The following PDIA3 variants were observed in gnomAD, a reference collection of about 807,000 sequenced individuals.
PDIA3 encodes protein disulfide-isomerase A3.
PDIA3 carries 16 observed loss-of-function variants against 56.9 expected under a neutral mutation model. The observed-to-expected ratio is 0.28, with a 90% CI of 0.19 to 0.43. The LOEUF is 0.43. Ranked by LOEUF, PDIA3 falls within the 20% of genes least tolerant of loss-of-function variation. PDIA3 has a pLI of 1.00. For synonymous variants in PDIA3, 192 were observed against 216.5 expected, an observed-to-expected ratio of 0.89 and a Z score of 0.99; for missense variants, 485 against 621.3, an observed-to-expected ratio of 0.78 and a Z score of 2.33.
intron 10 of PDIA3, 128 bp from the exon 11 acceptor site, chr15:43,770,122 A>G: frequency 2.8e-6 from 2 of 720,536 alleles, no homozygotes. Flanking sequence ...GGTGCGCACC[A>G]CCACACCCGG....
At position 43,773,154 on chromosome 15, in the gene PDIA3, G is replaced by C. The variant is rs1209709743; in HGVS notation, c.*1936G>C. 1 of 1,613,508 alleles carries C rather than the reference G, an allele frequency of 6.2e-7. No homozygotes were observed. The highest frequency in any genetic ancestry group is 1.1e-5 in the South Asian group (1 of 90,978). ...TTCTTTTCCTCAAACTCCAGGATGAGACCTTTAATGTGGGACAATTTCTGG... is the reference window on the plus strand; with the variant it reads ...TTCTTTTCCTCAAACTCCAGGATGACACCTTTAATGTGGGACAATTTCTGG... On this transcript the variant is annotated 3_prime_UTR_variant, in exon 13 of 13. Transcript: ENST00000300289.
intron 2 of PDIA3, among the ~76,000 whole-genome samples, chr15:43,755,438 TGGTCAACTGTAAA>T (rs2086772820): frequency 6.6e-6 from 1 of 152,202 alleles, no homozygotes; most frequent in Non-Finnish European, 1.5e-5. Context: ...TGTAACCAAA[TGGTCAACTGTAAA>T]CTTGGTATTT....
At chr15:43,752,757 A>C in intron 1 of PDIA3, 1 of 470,172 alleles carries the variant, frequency 2.1e-6, no homozygotes, top group Non-Finnish European at 4.4e-6. Context: ...ATATCTGCTC[A>C]AGTTTCTTCT....
chr15:43,753,647 C>G (rs182340153), intron 1 of PDIA3, among the ~76,000 whole-genome samples, 177 bp from the exon 2 acceptor site: 1 of 152,154 alleles, frequency 6.6e-6, no homozygotes, highest in South Asian at 2.1e-4. Context: ...ACCTTTACCT[C>G]TTGAGAGTTC....
In PDIA3 at chr15:43,769,574, G is replaced by C. The variant is rs765423410; in HGVS notation, c.1194G>C (p.Leu398=). ...TGAATAATGAAAATAAAGATGTGCT[G>C]ATTGAATTTTATGCCCCTTGGTGTG... ...EIVNNENKDV[L]IEFYAPWCGH... is the part of the protein sequence containing the mutation. Residue 398 remains leucine (L), a synonymous_variant, in exon 10 of 13, where the codon CTG becomes CTC. Transcript: ENST00000300289. The C allele has an allele frequency of 2.5e-6, 4 of 1,612,904 alleles. No homozygotes were observed. In the South Asian group the frequency reaches 4.4e-5, roughly 18 times the overall value.
chr15:43,772,098 G>A lies in PDIA3; in HGVS notation c.*880G>A, dbSNP rs1414446186. On this transcript the variant is annotated 3_prime_UTR_variant, in exon 13 of 13. Coordinates refer to ENST00000300289, the MANE Select transcript of PDIA3 (RefSeq NM_005313.5). ...GTGTGGCCCTTTAACTTCCCCTTCAGTAGAACTGGGAAAGGCAGTACCATT... is the reference window on the plus strand; with the variant it reads ...GTGTGGCCCTTTAACTTCCCCTTCAATAGAACTGGGAAAGGCAGTACCATT... 1 of 153,742 alleles carries A rather than the reference G, an allele frequency of 6.5e-6. No individual in the cohort carries two copies. Among genetic ancestry groups the A allele is most frequent in the Non-Finnish European group, 1.4e-5 (1 of 69,144 alleles). 9.5% of individuals were successfully genotyped at this position (153,742 alleles called of 1,614,324 possible).
intron 5 of PDIA3, 149 bp downstream of exon 5, chr15:43,763,355 C>G (rs1051975813): frequency 1.2e-6 from 1 of 813,094 alleles, no homozygotes; most frequent in African/African-American, 1.7e-5. Flanking sequence ...CAGGTTCAAA[C>G]GATTCTCGCG....
rs1193539508 is a variant in PDIA3, at chr15:43,768,574, G to A, written c.1114G>A (p.Glu372Lys). The change falls in exon 9 of 13, where the codon GAG (glutamate) becomes AAG (lysine). Residue 372 changes from glutamate to lysine, a missense_variant. Coordinates refer to ENST00000300289, the MANE Select transcript of PDIA3 (RefSeq NM_005313.5). ...ATACCTGAAGTCTGAACCTATCCCA[G>A]AGAGCAATGATGGGCCTGTGAAGGT... ...KRYLKSEPIP[E>K]SNDGPVKVVV... The A allele has an allele frequency of 1.2e-6, 2 of 1,610,648 alleles. No individual in the cohort carries two copies. The highest frequency in any genetic ancestry group is 8.5e-7 in the Non-Finnish European group (1 of 1,176,820).
At chr15:43,751,787 A>AT in intron 1 of PDIA3, 1 of 1,287,342 alleles carries the variant, frequency 7.8e-7, no homozygotes, top group Non-Finnish European at 1.0e-6. Context: ...TGTTGTTTTA[A>AT]TGCTCTGTGG....
intron 1 of PDIA3, among the ~76,000 whole-genome samples, chr15:43,749,105 T>C (rs2086727124): frequency 6.6e-6 from 1 of 151,710 alleles, no homozygotes; most frequent in Middle Eastern, 3.2e-3. Flanking sequence ...TGTTTTGTTT[T>C]GTTTTTGAGA....
At position 43,746,459 on chromosome 15, in the gene PDIA3, G is replaced by C. The variant is rs3896724; in HGVS notation, c.-81G>C. The C allele has an allele frequency of 8.4e-6, 11 of 1,315,422 alleles. No homozygotes were observed. The highest frequency in any genetic ancestry group is 2.9e-5 in the East Asian group (1 of 34,490). 81.5% of individuals were successfully genotyped at this position (1,315,422 alleles called of 1,614,324 possible). ...GGCCAGACGCGCGAGCGCAAGCAGC[G>C]GGTTAGTGGTCGCGCGCCCGACCTC... On this transcript the variant is annotated 5_prime_UTR_variant, in exon 1 of 13. Coordinates refer to ENST00000300289, the MANE Select transcript of PDIA3 (RefSeq NM_005313.5).
intron 1 of PDIA3, chr15:43,752,808 G>A (rs2086753169): frequency 2.1e-6 from 1 of 471,058 alleles, no homozygotes. Context: ...GAAGGTTACA[G>A]AACTCACCTT....
chr15:43,748,990 C>G (rs1321325555), intron 1 of PDIA3, among the ~76,000 whole-genome samples: 2 of 152,014 alleles, frequency 1.3e-5, no homozygotes, highest in African/African-American at 4.8e-5. Context: ...AGGCTGGTCT[C>G]GAACTCCTGA....
rs781599809 is a variant in PDIA3, at chr15:43,766,779, T to A, written c.897T>A (p.Phe299Leu). Residue 299 changes from phenylalanine to leucine, a missense_variant, in exon 8 of 13, where the codon TTT (phenylalanine) becomes TTA (leucine). By Grantham distance (22) the Phe-to-Leu change is conservative. Coordinates refer to ENST00000300289, the MANE Select transcript of PDIA3 (RefSeq NM_005313.5). ...KFLDAGHKLN[F>L]AVASRKTFSH... is the part of the protein sequence containing the mutation. ...TGGATGCTGGGCACAAACTCAACTT[T>A]GCTGTAGCTAGCCGCAAAACCTTTA... is the stretch of plus-strand genomic sequence containing the variant. 1.9e-6 allele frequency: 3 copies of A among 1,613,932 alleles called. No individual in the cohort carries two copies. In the Admixed American group the frequency reaches 5.0e-5, roughly 27 times the overall value.
At chr15:43,752,985 C>G in intron 1 of PDIA3, 1 of 427,432 alleles carries the variant, frequency 2.3e-6, no homozygotes, top group Non-Finnish European at 4.8e-6. Context: ...CTTCTCATGG[C>G]TAGGTGAACT....
At position 43,771,416 on chromosome 15, in the gene PDIA3, G is replaced by A. The variant is rs1301105997; in HGVS notation, c.*198G>A. ...TATGGAAATACCAGGACCAGTTTAT[G>A]TTTGTGGTTTTGGGAAAAATTATTT... On this transcript the variant is annotated 3_prime_UTR_variant, in exon 13 of 13. Transcript: ENST00000300289. 1 of 411,478 alleles carries A rather than the reference G, an allele frequency of 2.4e-6. No homozygotes were observed. The highest frequency in any genetic ancestry group is 4.3e-6 in the Non-Finnish European group (1 of 234,556). 25.5% of individuals were successfully genotyped at this position (411,478 alleles called of 1,614,324 possible). A position where few individuals can be genotyped will look rare whatever the true frequency, so the allele number is the denominator to read the frequency against.
At chr15:43,751,853 G>GT in intron 1 of PDIA3, 1 of 831,742 alleles carries the variant, frequency 1.2e-6, no homozygotes, top group Admixed American at 3.0e-5. Flanking sequence ...AGTAACTATT[G>GT]TATGTGATTT....
At position 43,768,603 on chromosome 15, in the gene PDIA3, G is replaced by A. The variant is rs186262567; in HGVS notation, c.1137+6G>A. 25 of 1,562,732 alleles carry A rather than the reference G, an allele frequency of 1.6e-5. No homozygotes were observed. In the African/African-American group the frequency reaches 1.8e-4, roughly 11 times the overall value. ...GCAATGATGGGCCTGTGAAGGTGAG[G>A]TGCTCACAGCCTCATCAAGCTATGA... On this transcript the variant is annotated splice_donor_region_variant and intron_variant, in intron 9 of 12. Coordinates refer to ENST00000300289, the MANE Select transcript of PDIA3 (RefSeq NM_005313.5).
At chr15:43,769,082 G>A (rs937106255) in intron 9 of PDIA3, among the ~76,000 whole-genome samples, 7 of 151,582 alleles carry the variant, frequency 4.6e-5, no homozygotes, top group Non-Finnish European at 1.0e-4. Flanking sequence ...AGCGTGTAAA[G>A]CCTGCGTAGA....
Sources: gnomAD v4.1 joint callset for allele counts (sites outside exome capture counted in the v4.1 genomes callset) on GRCh38, gnomAD v4.1.1 for gene constraint, MANE v1.5 for transcripts, NCBI Gene and HGNC (gene_info 2026-07-23, HGNC 2026-07-21) for gene names.